WWP2: variants seen among roughly 807,000 people sequenced by gnomAD.
WWP2 encodes WW domain containing E3 ubiquitin protein ligase 2, also known as NEDD4-like E3 ubiquitin-protein ligase WWP2.
A neutral mutation model predicts 121.0 loss-of-function variants in WWP2; 57 were observed. That is an observed-to-expected ratio of 0.47 (90% CI 0.38 to 0.59). The LOEUF is 0.59. Among genes scored for constraint, WWP2 ranks in the 20% least tolerant of loss-of-function variants. The probability of loss-of-function intolerance (pLI) is 0.00; values close to 1 mark genes in which losing one functional copy is unlikely to be tolerated. For missense variants in WWP2, 962 were observed against 1,158.9 expected, an observed-to-expected ratio of 0.83 and a Z score of 2.47; for synonymous variants, 449 against 441.3, an observed-to-expected ratio of 1.02 and a Z score of -0.22.
At position 69,936,469 on chromosome 16, in the gene WWP2, G is replaced by A. The variant is rs531631363; in HGVS notation, c.2117+17G>A. 21 of 1,612,208 alleles carry A rather than the reference G, an allele frequency of 1.3e-5. No individual in the cohort carries two copies. The highest frequency in any genetic ancestry group is 8.9e-5 in the East Asian group (4 of 44,790). On this transcript the variant is annotated intron_variant, in intron 19 of 23. Transcript: ENST00000359154. Reference sequence around the variant, plus strand: ...GTACATCATGTGAGTCTCAGGCGCCGGGGGCTCCGCTCCAGGGGTGGCGTG... The same window carrying A: ...GTACATCATGTGAGTCTCAGGCGCCAGGGGCTCCGCTCCAGGGGTGGCGTG...
chr16:69,924,983 AT>A, intron 10 of WWP2: 1 of 988,936 alleles, frequency 1.0e-6, no homozygotes, highest in Non-Finnish European at 1.2e-6. Flanking sequence ...GGCCTGCGAT[AT>A]TTTTTCCCCT....
intron 8 of WWP2, among the ~76,000 whole-genome samples, chr16:69,908,560 C>T (rs770724072): frequency 6.6e-6 from 1 of 152,190 alleles, no homozygotes; most frequent in African/African-American, 2.4e-5. Context: ...TACAGGGGAG[C>T]TATTATAGTT....
In WWP2 at chr16:69,787,048, T is replaced by C. The variant is rs1382186978; in HGVS notation, c.38T>C (p.Leu13Pro). 6.2e-7 allele frequency: 1 copy of C among 1,613,620 alleles called. No homozygotes were observed. Residue 13 changes from leucine (L) to proline (P), a missense_variant, in exon 2 of 24, where the codon CTG becomes CCG. Transcript: ENST00000359154. ...SASSSRAGVA[L>P]PFEKSQLTLK... is the part of the protein sequence containing the mutation. The stretch of plus-strand genomic sequence containing the variant: ...AGCTCTAGCCGGGCAGGAGTGGCCC[T>C]GCCTTTTGAGAAGTCTCAGCTCACT...
At chr16:69,856,237 A>C (rs1170312648) in intron 6 of WWP2, among the ~76,000 whole-genome samples, 1 of 152,236 alleles carries the variant, frequency 6.6e-6, no homozygotes, top group East Asian at 1.9e-4. Context: ...TTCCATTTAT[A>C]TAACATCCTG....
intron 7 of WWP2, among the ~76,000 whole-genome samples, chr16:69,875,346 T>G (rs571445418): frequency 5.3e-5 from 8 of 152,366 alleles, no homozygotes; most frequent in Non-Finnish European, 1.2e-4. Flanking sequence ...GGAAGGTCTC[T>G]CCTCGATGTT....
In WWP2 at chr16:69,799,043, A is replaced by G; in HGVS notation, c.219-131A>G. On this transcript the variant is annotated intron_variant, in intron 3 of 23. Coordinates refer to ENST00000359154, the MANE Select transcript of WWP2 (RefSeq NM_001270454.2). The surrounding 1 kb of genome is among the most constrained non-coding windows in gnomAD (Gnocchi z 4.5). The stretch of plus-strand genomic sequence containing the variant: ...TTACAGGGTCAGCTTTGAGAGGGGA[A>G]AGGATATATGTGGGTGTCTGCCTGT... 6.3e-6 allele frequency: 9 copies of G among 1,419,144 alleles called. No homozygotes were observed. Among genetic ancestry groups the G allele is most frequent in the East Asian group, 2.3e-5 (1 of 43,656 alleles). 87.9% of individuals were successfully genotyped at this position (1,419,144 alleles called of 1,614,324 possible).
At chr16:69,850,687 A>G (rs1379271776) in intron 6 of WWP2, among the ~76,000 whole-genome samples, 1 of 152,186 alleles carries the variant, frequency 6.6e-6, no homozygotes, top group Non-Finnish European at 1.5e-5. Flanking sequence ...AGAGAACTTG[A>G]TGTATTTGAG....
intron 1 of WWP2, among the ~76,000 whole-genome samples, chr16:69,763,129 A>G (rs2038653480): frequency 6.6e-6 from 1 of 152,232 alleles, no homozygotes; most frequent in African/African-American, 2.4e-5. Flanking sequence ...TTTAGCTTAC[A>G]CTGTTGACCT....
At position 69,871,656 on chromosome 16, in the gene WWP2, C is replaced by A. The variant is rs1381715589; in HGVS notation, c.576-148C>A. On this transcript the variant is annotated intron_variant, in intron 6 of 23. Transcript: ENST00000359154. ...CCTGGGTCTCTCTGCTTGGAACCAGCTTCTGTTTAGTCCAAAACTAGAGGG... is the reference window on the plus strand; with the variant it reads ...CCTGGGTCTCTCTGCTTGGAACCAGATTCTGTTTAGTCCAAAACTAGAGGG... The A allele has an allele frequency of 9.4e-6, 11 of 1,167,900 alleles. No homozygotes were observed. The South Asian group carries it at 9.7e-5, about 10-fold the overall frequency. The allele number at this position is 1,167,900 out of a possible 1,614,324, so 72.3% of individuals were successfully genotyped here. A position where few individuals can be genotyped will look rare whatever the true frequency, so the allele number is the denominator to read the frequency against.
chr16:69,826,010 T>A (rs2056681018), intron 4 of WWP2, among the ~76,000 whole-genome samples: 1 of 152,160 alleles, frequency 6.6e-6, no homozygotes, highest in South Asian at 2.1e-4. Flanking sequence ...CTCATGCCTG[T>A]AATCCCAGCA....
chr16:69,825,630 G>A (rs1223878952), intron 4 of WWP2, among the ~76,000 whole-genome samples: 1 of 139,804 alleles, frequency 7.2e-6, no homozygotes, highest in Non-Finnish European at 1.6e-5. Flanking sequence ...TTTTTTTTTT[G>A]GTTTTTTTTT....
intron 1 of WWP2, among the ~76,000 whole-genome samples, chr16:69,773,989 G>A (rs1256586021): frequency 6.6e-6 from 1 of 151,770 alleles, no homozygotes; most frequent in East Asian, 1.9e-4. Context: ...GCTGTCCCTG[G>A]CCCACCCCAG....
In WWP2 at chr16:69,890,100, G is replaced by A. The variant is rs531386390; in HGVS notation, c.914+1851G>A. 9.3e-5 allele frequency among the ~76,000 whole-genome samples: 14 copies of A among 150,970 alleles called. No homozygotes were observed. The South Asian group carries it at 2.3e-3, about 25-fold the overall frequency. On this transcript the variant is annotated intron_variant, in intron 8 of 23. Transcript: ENST00000359154. ...TTCCCAAGTAGCTGGGACTACAGGCGTGCACCACCATGCCTGGATAATTTT... is the reference window on the plus strand; with the variant it reads ...TTCCCAAGTAGCTGGGACTACAGGCATGCACCACCATGCCTGGATAATTTT...
At chr16:69,898,323 C>T (rs2058142249) in intron 8 of WWP2, among the ~76,000 whole-genome samples, 1 of 152,142 alleles carries the variant, frequency 6.6e-6, no homozygotes, top group African/African-American at 2.4e-5. Context: ...CCACCACTCC[C>T]AGCCAGTTAT....
chr16:69,834,834 T>G (rs2056848167), intron 4 of WWP2, among the ~76,000 whole-genome samples: 1 of 152,066 alleles, frequency 6.6e-6, no homozygotes, highest in Non-Finnish European at 1.5e-5. Flanking sequence ...AGCCTGCACT[T>G]GCCACCTTCT....
intron 4 of WWP2, among the ~76,000 whole-genome samples, chr16:69,832,387 G>A (rs2056809968): frequency 6.6e-6 from 1 of 151,982 alleles, no homozygotes; most frequent in Non-Finnish European, 1.5e-5. Flanking sequence ...ATATTTTAGT[G>A]TATTTCTCTA....
chr16:69,856,006 A>G (rs556509225), intron 6 of WWP2, among the ~76,000 whole-genome samples: 1 of 152,260 alleles, frequency 6.6e-6, no homozygotes, highest in South Asian at 2.1e-4. Context: ...GCACAGTGGT[A>G]TGTGCCTATA....
chr16:69,844,695 C>T lies in WWP2; in HGVS notation c.575+2575C>T, dbSNP rs116995560. On this transcript the variant is annotated intron_variant, in intron 6 of 23. Coordinates refer to ENST00000359154, the MANE Select transcript of WWP2 (RefSeq NM_001270454.2). ...ATCGGATGCATTTTGGCCCATCACA[C>T]GTGGTAGACATTCAGTGCTAGTTAG... Among the ~76,000 whole-genome samples the T allele has an allele frequency of 3.0e-4, 45 of 152,276 alleles. No homozygotes were observed. In the East Asian group the frequency reaches 5.0e-3, roughly 17 times the overall value.
At chr16:69,847,324 A>T (rs1288303384) in intron 6 of WWP2, among the ~76,000 whole-genome samples, 1 of 151,672 alleles carries the variant, frequency 6.6e-6, no homozygotes, top group Non-Finnish European at 1.5e-5. Flanking sequence ...ACTTCAGGCG[A>T]TCCACGCACC....
Sources: allele counts gnomAD v4.1 joint callset (sites outside exome capture counted in the v4.1 genomes callset), GRCh38; gene constraint gnomAD v4.1.1; non-coding constraint Gnocchi (gnomAD v3.1); transcripts MANE v1.5; gene names NCBI Gene and HGNC (gene_info 2026-07-23, HGNC 2026-07-21).